Variants in FAM114A1 observed in about 807,000 individuals in gnomAD.
FAM114A1 encodes the protein family with sequence similarity 114 member A1.
Under a neutral mutation model 64.3 loss-of-function variants are expected in FAM114A1, and 62 were observed. The observed-to-expected ratio is 0.96, with a 90% CI of 0.79 to 1.19. The LOEUF is 1.19. Ranked by LOEUF, FAM114A1 falls within the 50% of genes most tolerant of loss-of-function variation. The pLI is 0.00. For synonymous variants in FAM114A1, 254 were observed against 251.1 expected (o/e 1.01, Z -0.11); for missense variants, 645 against 676.3 (o/e 0.95, Z 0.51).
chr4:38,918,730 G>A (rs899307923), intron 8 of FAM114A1, among the ~76,000 whole-genome samples: 5 of 151,840 alleles, frequency 3.3e-5, no homozygotes, highest in East Asian at 3.9e-4. Context: ...AGGCTGAGGC[G>A]GGCAGATCAC....
intron 13 of FAM114A1, chr4:38,938,423 C>G (rs1411729767): frequency 2.0e-5 from 3 of 152,232 alleles, no homozygotes; most frequent in African/African-American, 7.2e-5. Context: ...TGACCTGCTT[C>G]TCCTATTTTG....
chr4:38,943,356 T>TTG (rs1553874242), intron 14 of FAM114A1, 100 bp from the exon 15 acceptor site: 3 of 849,124 alleles, frequency 3.5e-6, no homozygotes, highest in African/African-American at 8.7e-5. Flanking sequence ...TAATCCAATA[T>TTG]GGGGGGTGGG....
intron 14 of FAM114A1, among the ~76,000 whole-genome samples, chr4:38,942,673 A>G (rs1721663752): frequency 6.6e-6 from 1 of 152,210 alleles, no homozygotes; most frequent in Non-Finnish European, 1.5e-5. Context: ...AACCAAACAT[A>G]AAGTACCATG....
chr4:38,942,856 T>G (rs947734298), intron 14 of FAM114A1, among the ~76,000 whole-genome samples: 1 of 151,936 alleles, frequency 6.6e-6, no homozygotes, highest in African/African-American at 2.4e-5. Flanking sequence ...GGGAAAGAGA[T>G]AGATAAGACA....
intron 2 of FAM114A1, among the ~76,000 whole-genome samples, chr4:38,871,126 G>C (rs922467903): frequency 1.2e-4 from 14 of 119,456 alleles, no homozygotes; most frequent in African/African-American, 4.6e-4. Flanking sequence ...GTCTCACACT[G>C]TCACCCAGGC....
chr4:38,901,775 A>G (rs1717548799), intron 4 of FAM114A1, among the ~76,000 whole-genome samples: 1 of 152,224 alleles, frequency 6.6e-6, no homozygotes, highest in African/African-American at 2.4e-5. Context: ...GTGGATGTGT[A>G]AGATAGCCCT....
At chr4:38,936,440 A>T (rs1183136217) in intron 13 of FAM114A1, among the ~76,000 whole-genome samples, 1 of 151,630 alleles carries the variant, frequency 6.6e-6, no homozygotes. Flanking sequence ...TTTATTACTT[A>T]ATATCTGTGA....
intron 4 of FAM114A1, among the ~76,000 whole-genome samples, chr4:38,902,814 T>A (rs190101104): frequency 1.3e-5 from 2 of 152,236 alleles, no homozygotes; most frequent in East Asian, 3.9e-4. Flanking sequence ...TAGGTCCCAG[T>A]CAGTACCTCT....
At position 38,944,068 on chromosome 4, in the gene FAM114A1, C is replaced by CTTTT. The variant is rs749204163; in HGVS notation, c.*527_*530dup. The CTTTT allele has an allele frequency of 0.2, 23,770 of 121,758 alleles. 4,072 individuals carry two copies. The highest frequency in any genetic ancestry group is 0.45 in the African/African-American group (13,533 of 29,916). The allele number at this position is 121,758 out of a possible 1,614,324, so 7.5% of individuals were successfully genotyped here. On this transcript the variant is annotated 3_prime_UTR_variant, in exon 15 of 15. Transcript: ENST00000358869. ...TAAAAAATAGGAACATATTGTCATT[C>CTTTT]TTTTTTTTTTTTTTTTTTTGAGACA...
At chr4:38,927,569 C>T (rs1720238107) in intron 9 of FAM114A1, among the ~76,000 whole-genome samples, 1 of 152,212 alleles carries the variant, frequency 6.6e-6, no homozygotes, top group Non-Finnish European at 1.5e-5. Context: ...AGGACAGGGG[C>T]ATTCAGACCA....
intron 8 of FAM114A1, among the ~76,000 whole-genome samples, chr4:38,919,367 T>A (rs1005531922): frequency 3.3e-5 from 5 of 152,150 alleles, no homozygotes; most frequent in African/African-American, 1.2e-4. Context: ...CAGGGAACGT[T>A]ATGTGGCTGT....
At position 38,878,393 on chromosome 4, in the gene FAM114A1, A is replaced by G. The variant is rs370762655; in HGVS notation, c.315A>G (p.Arg105=). Residue 105 remains arginine, a synonymous_variant, in exon 3 of 15, where the codon AGA becomes AGG. Coordinates refer to ENST00000358869, the MANE Select transcript of FAM114A1 (RefSeq NM_138389.4). Reference sequence around the variant, plus strand: ...CCGTCAGCCTTGAGGCAGAACCCAGATCCGAAATACCCCTGCAAGAACAGA... The same window carrying G: ...CCGTCAGCCTTGAGGCAGAACCCAGGTCCGAAATACCCCTGCAAGAACAGA... ...IDSVSLEAEP[R]SEIPLQEQNY... 5.0e-6 allele frequency: 8 copies of G among 1,605,488 alleles called. No homozygotes were observed. Among genetic ancestry groups the G allele is most frequent in the Non-Finnish European group, 6.8e-6 (8 of 1,175,286 alleles).
chr4:38,935,002 C>T (rs1720962096), intron 12 of FAM114A1, among the ~76,000 whole-genome samples: 1 of 152,012 alleles, frequency 6.6e-6, no homozygotes, highest in Non-Finnish European at 1.5e-5. Flanking sequence ...GCAACCTCCA[C>T]CTCCTGGCTT....
chr4:38,910,863 A>G (rs11730661), intron 7 of FAM114A1, among the ~76,000 whole-genome samples: 33,276 of 152,114 alleles, frequency 0.22, 4,341 homozygotes, highest in East Asian at 0.4. Flanking sequence ...GAGTGGTGAT[A>G]GGGAGTAGGT....
Position 38,881,449 on chromosome 4 carries a change from C to T in FAM114A1, c.348+3023C>T, listed in dbSNP as rs1308530819. 6.6e-5 allele frequency among the ~76,000 whole-genome samples: 10 copies of T among 152,116 alleles called. No individual in the cohort carries two copies. In the East Asian group the frequency reaches 1.9e-3, roughly 29 times the overall value. On this transcript the variant is annotated intron_variant, in intron 3 of 14. Coordinates refer to ENST00000358869, the MANE Select transcript of FAM114A1 (RefSeq NM_138389.4). ...ACCTGGATGGAAGTGCAAACACTGG[C>T]CACAGAGTCGGGCCCGTGGCTCTGG...
At chr4:38,889,331 G>A (rs796477673) in intron 3 of FAM114A1, among the ~76,000 whole-genome samples, 8 of 152,248 alleles carry the variant, frequency 5.3e-5, no homozygotes, top group African/African-American at 1.9e-4. Context: ...AATGAAAGCA[G>A]GCAGTGATGA....
At chr4:38,910,518 T>C (rs1221137014) in intron 7 of FAM114A1, among the ~76,000 whole-genome samples, 1 of 152,056 alleles carries the variant, frequency 6.6e-6, no homozygotes, top group African/African-American at 2.4e-5. Flanking sequence ...GAAGGCAATA[T>C]CTGGTATTTC....
rs373875382 is a variant in FAM114A1 at position 38,929,416 on chromosome 4, C to T, written c.1161+83C>T. 9.8e-5 allele frequency: 103 copies of T among 1,047,166 alleles called. No individual in the cohort carries two copies. In the African/African-American group the frequency reaches 1.1e-3, roughly 11 times the overall value. The allele number at this position is 1,047,166 out of a possible 1,614,324, so 64.9% of individuals were successfully genotyped here. ...TCTGTTGTAAAGTTCCAGAGATGCA[C>T]CTGAAATGGAAAACCCCCAAATCTT... On this transcript the variant is annotated intron_variant, in intron 10 of 14. Coordinates refer to ENST00000358869, the MANE Select transcript of FAM114A1 (RefSeq NM_138389.4).
At chr4:38,870,004 A>G (rs1713869560) in intron 2 of FAM114A1, among the ~76,000 whole-genome samples, 1 of 152,206 alleles carries the variant, frequency 6.6e-6, no homozygotes, top group South Asian at 2.1e-4. Flanking sequence ...GAGTTTGGAA[A>G]AAAAAGCATC....
Sources: gnomAD v4.1 joint callset for allele counts (sites outside exome capture counted in the v4.1 genomes callset) on GRCh38, gnomAD v4.1.1 for gene constraint, MANE v1.5 for transcripts, NCBI Gene and HGNC (gene_info 2026-07-23, HGNC 2026-07-21) for gene names.